The following DNAAF11 variants were observed in gnomAD, a reference collection of about 807,000 sequenced individuals.
DNAAF11 encodes the protein leucine rich repeat containing 6.
A neutral mutation model predicts 60.8 loss-of-function variants in DNAAF11; 45 were observed. The ratio of observed to expected loss-of-function variants is 0.74; its 90% CI spans 0.58 to 0.95. The LOEUF is 0.95. Ranked by LOEUF, DNAAF11 falls within the 40% of genes least tolerant of loss-of-function variation. DNAAF11 has a pLI of 0.00. For missense variants in DNAAF11, 546 were observed against 546.2 expected (o/e 1.00, Z 0.00); for synonymous variants, 191 against 183.5 (o/e 1.04, Z -0.33).
chr8:132,695,982 A>G, the DNAAF11 span, among the ~76,000 whole-genome samples: 15 of 152,194 alleles, frequency 9.9e-5, no homozygotes. Flanking sequence ...TCATTGAAAA[A>G]TTATTGGGAG....
intron 10 of DNAAF11, among the ~76,000 whole-genome samples, chr8:132,604,006 T>C (rs1237766187): frequency 6.6e-6 from 1 of 152,144 alleles, no homozygotes; most frequent in Admixed American, 6.6e-5. Context: ...TGCAGATAGG[T>C]TGGTAGCCAT....
intron 10 of DNAAF11, among the ~76,000 whole-genome samples, chr8:132,585,186 G>A (rs2131026471): frequency 6.6e-6 from 1 of 152,296 alleles, no homozygotes; most frequent in South Asian, 2.1e-4. Flanking sequence ...AGCTCGGGGA[G>A]GTTTGGGCTC....
intron 3 of DNAAF11, among the ~76,000 whole-genome samples, chr8:132,641,223 A>T (rs1385366605): frequency 6.6e-6 from 1 of 152,198 alleles, no homozygotes. Flanking sequence ...CTCATTAGTT[A>T]AAAGTGAAAT....
At chr8:132,623,361 T>C (rs1040786253) in intron 6 of DNAAF11, among the ~76,000 whole-genome samples, 5 of 152,102 alleles carry the variant, frequency 3.3e-5, no homozygotes, top group African/African-American at 1.2e-4. Context: ...TAAATCCATT[T>C]TTGTTTTACA....
intron 11 of DNAAF11, among the ~76,000 whole-genome samples, chr8:132,577,350 T>C (rs1376081510): frequency 6.6e-6 from 1 of 152,242 alleles, no homozygotes; most frequent in Non-Finnish European, 1.5e-5. Context: ...AATTGTTATT[T>C]GAGGTAATAA....
At position 132,627,965 on chromosome 8, in the gene DNAAF11, C is replaced by G. The variant is rs541661711; in HGVS notation, c.654-2511G>C. 2.0e-5 allele frequency among the ~76,000 whole-genome samples: 3 copies of G among 152,246 alleles called. No individual in the cohort carries two copies. In the East Asian group the frequency reaches 5.8e-4, roughly 29 times the overall value. On this transcript the variant is annotated intron_variant, in intron 5 of 11. Transcript: ENST00000620350. The stretch of plus-strand genomic sequence containing the variant: ...GTGTACTGTTCACTGTAGAGGTGGT[C>G]AATATACTTCCTGGCTCCTTTTGTG...
intron 11 of DNAAF11, among the ~76,000 whole-genome samples, chr8:132,574,305 T>C (rs991876970): frequency 2.0e-5 from 3 of 152,358 alleles, no homozygotes; most frequent in Middle Eastern, 3.4e-3. Context: ...ACTGGTAAGC[T>C]GTTCCCTACA....
intron 4 of DNAAF11, among the ~76,000 whole-genome samples, chr8:132,636,892 C>T (rs1387137936): frequency 6.6e-6 from 1 of 152,190 alleles, no homozygotes; most frequent in African/African-American, 2.4e-5. Flanking sequence ...AGTCTCTTGA[C>T]TGCAGAGAAC....
At chr8:132,681,711 C>T in the DNAAF11 span, among the ~76,000 whole-genome samples, 3 of 152,086 alleles carry the variant, frequency 2.0e-5, no homozygotes, top group Admixed American at 6.6e-5. Context: ...GTCTCAAAAT[C>T]GAAGATGAAA....
At chr8:132,702,854 C>T in the DNAAF11 span, among the ~76,000 whole-genome samples, 1,060 of 152,142 alleles carry the variant, frequency 7.0e-3, 6 homozygotes, top group South Asian at 0.016. Flanking sequence ...TGCTATACTG[C>T]GATGCTACTC....
chr8:132,682,703 A>G, the DNAAF11 span, among the ~76,000 whole-genome samples: 610 of 152,328 alleles, frequency 4.0e-3, 3 homozygotes, highest in South Asian at 0.012. Context: ...GTGTTGCTAT[A>G]AAGTAATACA....
At chr8:132,652,637 T>C (rs2130737726) in intron 3 of DNAAF11, among the ~76,000 whole-genome samples, 1 of 152,308 alleles carries the variant, frequency 6.6e-6, no homozygotes, top group South Asian at 2.1e-4. Context: ...TCATGTCCTT[T>C]GCAGGGACAT....
chr8:132,689,715 G>A, the DNAAF11 span, among the ~76,000 whole-genome samples: 1 of 151,882 alleles, frequency 6.6e-6, no homozygotes, highest in African/African-American at 2.4e-5. Flanking sequence ...GTGTGTGTGT[G>A]TGTATGTGTA....
rs189260078 is a variant in DNAAF11 at position 132,595,212 on chromosome 8, C to T, written c.1141-11433G>A. Among the ~76,000 whole-genome samples, 193 of 152,068 alleles carry T rather than the reference C, an allele frequency of 1.3e-3. 1 individual carries two copies. The highest frequency in any genetic ancestry group is 4.4e-3 in the African/African-American group (181 of 41,484). On this transcript the variant is annotated intron_variant, in intron 10 of 11. Coordinates refer to ENST00000620350, the MANE Select transcript of DNAAF11 (RefSeq NM_012472.6). Reference sequence around the variant, plus strand: ...CTTGGCAGAAAAAGCACAGAAAACACAAAAGTCCTGCCGGTGGGAACAAGG... The same window carrying T: ...CTTGGCAGAAAAAGCACAGAAAACATAAAAGTCCTGCCGGTGGGAACAAGG...
intron 3 of DNAAF11, among the ~76,000 whole-genome samples, chr8:132,638,524 G>A (rs758272852): frequency 6.6e-6 from 1 of 152,106 alleles, no homozygotes; most frequent in Non-Finnish European, 1.5e-5. Context: ...TAGCAGGTAG[G>A]TGGGACATAT....
At chr8:132,615,151 G>C in intron 7 of DNAAF11, 54 bp from the exon 8 acceptor site, 2 of 1,017,682 alleles carry the variant, frequency 2.0e-6, no homozygotes, top group Non-Finnish European at 1.5e-6. Flanking sequence ...ATACTGTATA[G>C]AAAACCCCAT....
intron 11 of DNAAF11, among the ~76,000 whole-genome samples, chr8:132,577,918 C>T (rs1814923249): frequency 6.6e-6 from 1 of 151,970 alleles, no homozygotes; most frequent in Admixed American, 6.6e-5. Context: ...CCACCTGCCT[C>T]AGCCTCCCAA....
At chr8:132,583,813 C>T (rs923436749) in intron 10 of DNAAF11, 34 bp from the exon 11 acceptor site, 14 of 1,385,840 alleles carry the variant, frequency 1.0e-5, no homozygotes, top group Middle Eastern at 3.6e-4. Context: ...CCAAGTGGTG[C>T]ATTACTCCTT....
At chr8:132,611,230 GGCACCACAGCTTAGTTCAAAGCTTA>G (rs2129982390) in intron 9 of DNAAF11, 39 bp downstream of exon 9, 1 of 1,128,908 alleles carries the variant, frequency 8.9e-7, no homozygotes, top group African/African-American at 1.6e-5. Context: ...AAACATTTGA[GGCACCACAGCTTAGTTCAAAGCTTA>G]GCTTTTGAAA....
Sources: gnomAD v4.1 joint callset for allele counts (sites outside exome capture counted in the v4.1 genomes callset) on GRCh38, gnomAD v4.1.1 for gene constraint, MANE v1.5 for transcripts, NCBI Gene and HGNC (gene_info 2026-07-23, HGNC 2026-07-21) for gene names.